Variants in CHGB observed in about 807,000 individuals in gnomAD.
The protein encoded by CHGB is chromogranin B, also known as secretogranin-1.
In CHGB, 46 loss-of-function variants were observed where a neutral mutation model predicts 69.9. The observed-to-expected ratio is 0.66, with a 90% CI of 0.52 to 0.84. CHGB has a LOEUF of 0.84. Ranked by LOEUF, CHGB falls within the 40% of genes least tolerant of loss-of-function variation. The probability of loss-of-function intolerance (pLI) is 0.00; values close to 1 mark genes in which losing one functional copy is unlikely to be tolerated. For missense variants in CHGB, 796 were observed against 822.2 expected, an observed-to-expected ratio of 0.97 and a Z score of 0.39; for synonymous variants, 312 against 298.2, an observed-to-expected ratio of 1.05 and a Z score of -0.48.
intron 1 of CHGB, among the ~76,000 whole-genome samples, chr20:5,913,875 G>A (rs1018455527): frequency 9.2e-5 from 14 of 151,786 alleles, no homozygotes; most frequent in East Asian, 5.8e-4. Flanking sequence ...CAGGTAATCC[G>A]CCAGCCTCGG....
chr20:5,913,760 G>T (rs1485676676), intron 1 of CHGB, among the ~76,000 whole-genome samples: 6 of 151,090 alleles, frequency 4.0e-5, no homozygotes, highest in Middle Eastern at 3.2e-3. Flanking sequence ...CTCCCGAGTA[G>T]CTGGGATTAC....
At chr20:5,918,499 G>A (rs115103986) in intron 3 of CHGB, among the ~76,000 whole-genome samples, 85 of 152,084 alleles carry the variant, frequency 5.6e-4, no homozygotes, top group African/African-American at 1.9e-3. Flanking sequence ...ATGGTAAAAA[G>A]CAAATAGTGA....
Position 5,922,810 on chromosome 20 carries a change from C to G in CHGB, c.666C>G (p.Ala222=). 1 of 1,614,002 alleles carries G rather than the reference C, an allele frequency of 6.2e-7. No individual in the cohort carries two copies. The highest frequency in any genetic ancestry group is 1.6e-4 in the Middle Eastern group (1 of 6,062). The change falls in exon 4 of 5, where the codon GCC becomes GCG. Residue 222 remains alanine, a synonymous_variant. Coordinates refer to ENST00000378961, the MANE Select transcript of CHGB (RefSeq NM_001819.3). The part of the protein sequence containing the change: ...ELVARSETHA[A]GHSQEKTHSR... ...TGGCCAGATCGGAAACACATGCTGC[C>G]GGGCATTCTCAGGAGAAGACACATA...
intron 2 of CHGB, 121 bp downstream of exon 2, chr20:5,916,493 C>A: frequency 1.1e-6 from 1 of 898,874 alleles, no homozygotes; most frequent in Non-Finnish European, 1.7e-6. Context: ...GTTTTCATTG[C>A]TGACAGAATG....
rs753168664 is a variant in CHGB, at chr20:5,916,819, C to G, written c.97-7C>G. 6.2e-7 allele frequency: 1 copy of G among 1,613,918 alleles called. No homozygotes were observed. Among genetic ancestry groups the G allele is most frequent in the African/African-American group, 1.3e-5 (1 of 74,908 alleles). On this transcript the variant is annotated splice_polypyrimidine_tract_variant and splice_region_variant and intron_variant, in intron 2 of 4. Transcript: ENST00000378961. ...CTTCTCCAACCTGCTTTCGGGTTTC[C>G]CCCCAGGTGACTCGCTGCATCATTG...
At position 5,921,211 on chromosome 20, in the gene CHGB, A is replaced by C. The variant is rs117316428; in HGVS notation, c.191-1124A>C. Among the ~76,000 whole-genome samples, 508 of 152,342 alleles carry C rather than the reference A, an allele frequency of 3.3e-3. 21 individuals are homozygous for C. In the East Asian group the frequency reaches 0.088, roughly 26 times the overall value. On this transcript the variant is annotated intron_variant, in intron 3 of 4. Coordinates refer to ENST00000378961, the MANE Select transcript of CHGB (RefSeq NM_001819.3). ...TATTATTTCAACATATAATGATATA[A>C]AAATTGTTGAGATTATTTTACATTA...
Position 5,923,004 on chromosome 20 carries a change from G to C in CHGB, c.860G>C (p.Arg287Thr). ...ACGAGGCCCAGACACCACCACGGGA[G>C]GAGCAGGCCCGACAGGTCCTCTCAA... Reference protein sequence around the residue: ...RRTRPRHHHGRSRPDRSSQGG... With the variant: ...RRTRPRHHHGTSRPDRSSQGG... The change falls in exon 4 of 5, where the codon AGG becomes ACG. Residue 287 changes from arginine to threonine, a missense_variant. Physicochemically the swap from Arg to Thr is moderately conservative, Grantham distance 71 (BLOSUM62 -1). Transcript: ENST00000378961. 2 of 1,611,254 alleles carry C rather than the reference G, an allele frequency of 1.2e-6. No homozygotes were observed. The highest frequency in any genetic ancestry group is 3.4e-5 in the Admixed American group (2 of 59,446).
intron 1 of CHGB, among the ~76,000 whole-genome samples, chr20:5,913,975 T>G (rs1209971146): frequency 6.6e-6 from 1 of 152,196 alleles, no homozygotes; most frequent in African/African-American, 2.4e-5. Context: ...TTAACTTATT[T>G]TACAGTTATA....
chr20:5,925,011 C>T lies in CHGB; in HGVS notation c.1996C>T (p.Leu666=). The T allele has an allele frequency of 6.2e-7, 1 of 1,613,564 alleles. No individual in the cohort carries two copies. The highest frequency in any genetic ancestry group is 8.5e-7 in the Non-Finnish European group (1 of 1,179,652). Residue 666 remains leucine, a synonymous_variant, in exon 5 of 5, where the codon CTA becomes TTA. Coordinates refer to ENST00000378961, the MANE Select transcript of CHGB (RefSeq NM_001819.3). The stretch of plus-strand genomic sequence containing the variant: ...AAACTTGGCTGCAATGGATTTGGAA[C>T]TACAGAAGATAGCTGAGAAATTCAG... The part of the protein sequence containing the change: ...LENLAAMDLE[L]QKIAEKFSQR...
chr20:5,924,030 C>T lies in CHGB; in HGVS notation c.1886C>T (p.Pro629Leu), dbSNP rs1229523720. The T allele has an allele frequency of 8.1e-6, 13 of 1,613,518 alleles. No homozygotes were observed. Among genetic ancestry groups the T allele is most frequent in the East Asian group, 4.5e-5 (2 of 44,878 alleles). Reference sequence around the variant, plus strand: ...CCAGACTTCTATGATTCTGAGGAGCCGGTGAGCACCCACCAGGAGGCAGAA... The same window carrying T: ...CCAGACTTCTATGATTCTGAGGAGCTGGTGAGCACCCACCAGGAGGCAGAA... Reference protein sequence around the residue: ...EFPDFYDSEEPVSTHQEAENE... With the variant: ...EFPDFYDSEELVSTHQEAENE... The change falls in exon 4 of 5, where the codon CCG (proline) becomes CTG (leucine). Residue 629 changes from proline (P) to leucine (L), a missense_variant. Pro to Leu is a moderately conservative substitution (Grantham distance 98, BLOSUM62 -3). This residue lies in a region of CHGB where 274 missense variants were observed against 298.9 expected (regional missense o/e 0.92). Coordinates refer to ENST00000378961, the MANE Select transcript of CHGB (RefSeq NM_001819.3).
Position 5,923,122 on chromosome 20 carries a change from C to A in CHGB, c.978C>A (p.Asp326Glu). Residue 326 changes from aspartate (D) to glutamate (E), a missense_variant, in exon 4 of 5, where the codon GAC becomes GAA. Transcript: ENST00000378961. ...VSMASLGEKR[D>E]HHSTHYRASE... ...TGGCCAGTTTAGGGGAAAAGAGGGA[C>A]CACCATTCAACCCACTACAGGGCTT... The A allele has an allele frequency of 6.2e-7, 1 of 1,614,078 alleles. No homozygotes were observed. The highest frequency in any genetic ancestry group is 8.5e-7 in the Non-Finnish European group (1 of 1,180,022).
intron 3 of CHGB, among the ~76,000 whole-genome samples, chr20:5,919,870 A>T (rs901693394): frequency 6.6e-6 from 1 of 152,182 alleles, no homozygotes; most frequent in East Asian, 1.9e-4. Flanking sequence ...GAGTCAGCAT[A>T]TACTCACTGA....
chr20:5,914,357 C>A (rs1163469709), intron 1 of CHGB, among the ~76,000 whole-genome samples: 2 of 151,986 alleles, frequency 1.3e-5, no homozygotes. Context: ...ATCTGAAGAG[C>A]CTCAGTCAGA....
chr20:5,923,460 G>A lies in CHGB; in HGVS notation c.1316G>A (p.Arg439Lys), dbSNP rs771393741. The change falls in exon 4 of 5, where the codon AGG (arginine) becomes AAG (lysine). Residue 439 changes from arginine (R) to lysine (K), a missense_variant. By Grantham distance (26) the Arg-to-Lys change is conservative. Around this residue, in one of 3 missense-constraint regions of CHGB, gnomAD observed 274 missense variants for 298.9 expected, o/e 0.92. Coordinates refer to ENST00000378961, the MANE Select transcript of CHGB (RefSeq NM_001819.3). ...ATGTCTGACACCAGAGAAGAGAAAA[G>A]GTTCTTGGGTGAAGGACACCACCGT... ...YFMSDTREEK[R>K]FLGEGHHRVQ... The A allele has an allele frequency of 1.2e-6, 2 of 1,614,042 alleles. No homozygotes were observed. Among genetic ancestry groups the A allele is most frequent in the South Asian group, 1.1e-5 (1 of 91,070 alleles).
intron 3 of CHGB, among the ~76,000 whole-genome samples, chr20:5,918,773 C>T (rs1201407866): frequency 7.8e-5 from 11 of 141,618 alleles, no homozygotes; most frequent in Admixed American, 1.5e-4. Flanking sequence ...GATTGCCCCA[C>T]GGCATTCCAG....
rs540743734 is a variant in CHGB, at chr20:5,923,996, G to C, written c.1852G>C (p.Ala618Pro). The C allele has an allele frequency of 2.5e-5, 40 of 1,614,070 alleles. No individual in the cohort carries two copies. The African/African-American group carries it at 5.3e-4, about 22-fold the overall frequency. The change falls in exon 4 of 5, where the codon GCT (alanine) becomes CCT (proline). Residue 618 changes from alanine to proline, a missense_variant. By Grantham distance (27) the Ala-to-Pro change is conservative (BLOSUM62 -1). Transcript: ENST00000378961. ...GCTCCTTCACTACAGGAAGAAGTCA[G>C]CTGAGTTTCCAGACTTCTATGATTC... ...DQLLHYRKKS[A>P]EFPDFYDSEE...
At chr20:5,924,593 C>G in intron 4 of CHGB, among the ~76,000 whole-genome samples, 1 of 152,086 alleles carries the variant, frequency 6.6e-6, no homozygotes, top group South Asian at 2.1e-4. Flanking sequence ...TATTTCATGC[C>G]CTACTGCCAT....
rs148235020 is a variant in CHGB, at chr20:5,923,912, G to T, written c.1768G>T (p.Ala590Ser). ...VNWGYEKRNL[A>S]RVPKLDLKRQ... is the part of the protein sequence containing the mutation. ...CTGGGGGTATGAGAAGAGAAACCTC[G>T]CCAGGGTCCCCAAGCTGGACCTGAA... Residue 590 changes from alanine to serine, a missense_variant, in exon 4 of 5, where the codon GCC (alanine) becomes TCC (serine). Coordinates refer to ENST00000378961, the MANE Select transcript of CHGB (RefSeq NM_001819.3). The T allele has an allele frequency of 6.2e-7, 1 of 1,614,154 alleles. No homozygotes were observed. Among genetic ancestry groups the T allele is most frequent in the Non-Finnish European group, 8.5e-7 (1 of 1,180,030 alleles).
intron 1 of CHGB, among the ~76,000 whole-genome samples, chr20:5,913,742 G>A (rs767055977): frequency 1.4e-5 from 2 of 146,690 alleles, no homozygotes; most frequent in Non-Finnish European, 1.5e-5. Context: ...CAATTGTCTT[G>A]CTTCAGCCTC....
Sources: allele counts gnomAD v4.1 joint callset (sites outside exome capture counted in the v4.1 genomes callset), GRCh38; gene constraint gnomAD v4.1.1; regional missense constraint gnomAD v4.1.1; transcripts MANE v1.5; gene names NCBI Gene and HGNC (gene_info 2026-07-23, HGNC 2026-07-21).